Variants in TRPM5 observed in about 807,000 individuals in gnomAD.
TRPM5 encodes the protein transient receptor potential cation channel subfamily M member 5, also known as MLSN1 and TRP-related.
A neutral mutation model predicts 124.9 loss-of-function variants in TRPM5; 121 were observed. The observed-to-expected ratio is 0.97, with a 90% CI of 0.84 to 1.13. The LOEUF (loss-of-function observed/expected upper bound fraction) is 1.13, where lower values mean the gene tolerates loss of function less well. Ranked by LOEUF, TRPM5 falls within the 50% of genes most tolerant of loss-of-function variation. TRPM5 has a pLI of 0.00. For synonymous variants in TRPM5, 781 were observed against 700.5 expected (o/e 1.11, Z -1.81); for missense variants, 1,643 against 1,589.1 (o/e 1.03, Z -0.58).
upstream of TRPM5, among the ~76,000 whole-genome samples, chr11:2,425,912 C>G (rs1845836837): frequency 6.6e-6 from 1 of 152,204 alleles, no homozygotes; most frequent in Non-Finnish European, 1.5e-5. Context: ...CCCTTCGTCC[C>G]TGGTGGGGAA....
At chr11:2,433,300 C>T in the TRPM5 span, among the ~76,000 whole-genome samples, 1 of 152,250 alleles carries the variant, frequency 6.6e-6, no homozygotes, top group Middle Eastern at 3.2e-3. Context: ...AAGACGTCCC[C>T]CTACCCTGCT....
At chr11:2,420,455 C>A (rs761721661) in intron 3 of TRPM5, 50 bp from the exon 9 acceptor site, 19 of 1,464,986 alleles carry the variant, frequency 1.3e-5, no homozygotes, top group Non-Finnish European at 1.7e-5. Flanking sequence ...GCAGCTTGGG[C>A]TGGTCCCGCT....
At chr11:2,421,230 G>A (rs1565015108) in intron 2 of TRPM5, 32 bp from the exon 8 acceptor site, 35 of 1,522,684 alleles carry the variant, frequency 2.3e-5, no homozygotes, top group Non-Finnish European at 2.7e-5. Context: ...TCGTTGTGCC[G>A]CACGCCCCAG....
intron 18 of TRPM5, among the ~76,000 whole-genome samples, chr11:2,409,188 C>T (rs968924920): frequency 1.3e-5 from 2 of 152,112 alleles, no homozygotes; most frequent in East Asian, 3.9e-4. Context: ...TCAGTGAGCG[C>T]CAGCCCTCCC....
chr11:2,409,992 G>T (rs533470750), intron 18 of TRPM5, among the ~76,000 whole-genome samples: 2 of 152,214 alleles, frequency 1.3e-5, no homozygotes, highest in Non-Finnish European at 2.9e-5. Context: ...CAAGAAAGAG[G>T]GGACCCCCAA....
chr11:2,413,918 A>G (rs1188850324), intron 12 of TRPM5, 143 bp downstream of exon 17: 1 of 1,212,928 alleles, frequency 8.2e-7, no homozygotes, highest in African/African-American at 1.5e-5. Context: ...GCCTTCCAGG[A>G]ACAGAAGCCC....
chr11:2,420,440 G>A (rs372977674), intron 3 of TRPM5, 35 bp from the exon 9 acceptor site: 13 of 1,538,018 alleles, frequency 8.5e-6, no homozygotes, highest in African/African-American at 4.7e-5. Context: ...CTGAGCCCTC[G>A]AGAGGCAGCT....
chr11:2,427,112 C>G (rs1845846689), upstream of TRPM5, among the ~76,000 whole-genome samples: 1 of 152,188 alleles, frequency 6.6e-6, no homozygotes, highest in Admixed American at 6.5e-5. Context: ...CACCTCACCC[C>G]AGTGGGGCCG....
chr11:2,418,629 G>A lies in TRPM5; in HGVS notation c.650-38C>T, dbSNP rs372680990. 4.3e-5 allele frequency: 68 copies of A among 1,586,242 alleles called. No individual in the cohort carries two copies. The Admixed American group carries it at 4.7e-4, about 11-fold the overall frequency. On this transcript the variant is annotated intron_variant, in intron 4 of 23. Transcript: ENST00000155858. ...CACCCGTGAGGCCTGAGGACCCTCCGCCTGGGGTGACCACCCGGATCTCAG... is the reference window on the plus strand; with the variant it reads ...CACCCGTGAGGCCTGAGGACCCTCCACCTGGGGTGACCACCCGGATCTCAG...
At chr11:2,404,063 C>T (rs1442715689), downstream of TRPM5, among the ~76,000 whole-genome samples, 4 of 152,296 alleles carry the variant, frequency 2.6e-5, no homozygotes, top group African/African-American at 7.2e-5. Flanking sequence ...GGCTCAGTGG[C>T]AGGTGTCCAG....
chr11:2,440,959 G>A, the TRPM5 span, among the ~76,000 whole-genome samples: 1 of 152,176 alleles, frequency 6.6e-6, no homozygotes, highest in East Asian at 1.9e-4. This position sits in a 1 kb window ranked among gnomAD's most constrained non-coding sequence, Gnocchi z 5.2. Context: ...CTCCCACTGT[G>A]GGCCTCTGAC....
chr11:2,432,321 G>T, the TRPM5 span, among the ~76,000 whole-genome samples: 1 of 152,210 alleles, frequency 6.6e-6, no homozygotes, highest in East Asian at 1.9e-4. Context: ...GCTTTACGTT[G>T]GAACTTCCTT....
exon 8 of TRPM5, chr11:2,416,021 C>T (rs1001884494): frequency 1.9e-6 from 3 of 1,595,230 alleles, no homozygotes; most frequent in African/African-American, 2.7e-5. Flanking sequence ...GTGGCTCTTG[C>T]AGGCTGTGGG....
At position 2,405,149 on chromosome 11, in the gene TRPM5, A is replaced by C. The variant is rs1417631854; in HGVS notation, c.3392-106T>G. 5 of 906,570 alleles carry C rather than the reference A, an allele frequency of 5.5e-6. No homozygotes were observed. The East Asian group carries it at 8.0e-5, about 14-fold the overall frequency. 56.2% of individuals were successfully genotyped at this position (906,570 alleles called of 1,614,324 possible). A position where few individuals can be genotyped will look rare whatever the true frequency, so the allele number is the denominator to read the frequency against. On this transcript the variant is annotated intron_variant, in intron 23 of 23. Transcript: ENST00000155858. ...CAAGGGCCAGGACGCCGTGGCTCTC[A>C]GAGTGAGTCCCCACAGGCCAGCCTG...
exon 17 of TRPM5, chr11:2,411,708 A>G (rs1850455560): frequency 6.2e-7 from 1 of 1,612,822 alleles, no homozygotes; most frequent in Non-Finnish European, 8.5e-7. Flanking sequence ...CCGCAGCGTG[A>G]ACACCATGAA....
chr11:2,443,332 T>C, the TRPM5 span, among the ~76,000 whole-genome samples: 2 of 152,344 alleles, frequency 1.3e-5, no homozygotes, highest in Non-Finnish European at 2.9e-5. The surrounding 1 kb of genome is among the most constrained non-coding windows in gnomAD (Gnocchi z 5.0). Flanking sequence ...AGAGACTCCA[T>C]GCAGGTGTAT....
upstream of TRPM5, among the ~76,000 whole-genome samples, chr11:2,425,478 G>A (rs369060218): frequency 2.8e-4 from 42 of 152,320 alleles, no homozygotes; most frequent in South Asian, 7.5e-3. Flanking sequence ...TTCATGGTGC[G>A]CCATCTGCAA....
At position 2,406,062 on chromosome 11, in the gene TRPM5, C is replaced by T. The variant is rs759400498; in HGVS notation, c.3281G>A (p.Gly1094Asp). Residue 1094 changes from glycine (G) to aspartate (D), a missense_variant, in exon 22 of 24, where the codon GGT becomes GAT. Coordinates refer to ENST00000155858, the Ensembl canonical transcript of TRPM5. ...GATGCGCTTTTCTTGCTCTCTCAGA[C>T]CCCCGAGGTACTTGGCAATGAAGTC... is the stretch of plus-strand genomic sequence containing the variant. 15 of 1,611,908 alleles carry T rather than the reference C, an allele frequency of 9.3e-6. No individual in the cohort carries two copies. In the African/African-American group the frequency reaches 1.9e-4, roughly 20 times the overall value.
chr11:2,440,080 G>A, the TRPM5 span, among the ~76,000 whole-genome samples: 6 of 152,260 alleles, frequency 3.9e-5, no homozygotes, highest in South Asian at 8.3e-4. This position sits in a 1 kb window ranked among gnomAD's most constrained non-coding sequence, Gnocchi z 5.2. Context: ...ACTGAGGAAC[G>A]GAAAACCAAA....
Sources: allele counts gnomAD v4.1 joint callset (sites outside exome capture counted in the v4.1 genomes callset), GRCh38; gene constraint gnomAD v4.1.1; non-coding constraint Gnocchi (gnomAD v3.1); transcripts MANE v1.5; gene names NCBI Gene and HGNC (gene_info 2026-07-23, HGNC 2026-07-21).